HAUS8: variants seen among roughly 807,000 people sequenced by gnomAD.
The protein encoded by HAUS8 is HAUS augmin-like complex subunit 8.
HAUS8 carries 38 observed loss-of-function variants against 42.9 expected under a neutral mutation model. That is an observed-to-expected ratio of 0.89 (90% CI 0.68 to 1.16). The LOEUF (loss-of-function observed/expected upper bound fraction) is 1.16, where lower values mean the gene tolerates loss of function less well. HAUS8 is among the 50% of genes most tolerant of loss of function. The pLI is 0.00. For missense variants in HAUS8, 494 were observed against 511.6 expected (o/e 0.97, Z 0.33); for synonymous variants, 199 against 205.8 (o/e 0.97, Z 0.28).
At position 17,060,142 on chromosome 19, in the gene HAUS8, C is replaced by T. The variant is rs183755597; in HGVS notation, c.230-50G>A. The stretch of plus-strand genomic sequence containing the variant: ...GTCAGCACAGTCAAGAGACACTCTC[C>T]ATTCAAGCCAGGAAACGCAGGCCGT... On this transcript the variant is annotated intron_variant, in intron 4 of 10. Coordinates refer to ENST00000253669, the MANE Select transcript of HAUS8 (RefSeq NM_033417.2). 3.1e-6 allele frequency: 4 copies of T among 1,307,622 alleles called. No individual in the cohort carries two copies. The African/African-American group carries it at 4.4e-5, about 14-fold the overall frequency. The allele number at this position is 1,307,622 out of a possible 1,614,324, so 81.0% of individuals were successfully genotyped here.
chr19:17,050,069 C>A lies in HAUS8; in HGVS notation c.1037G>T (p.Trp346Leu), dbSNP rs749417271. The A allele has an allele frequency of 9.4e-6, 15 of 1,603,722 alleles. No individual in the cohort carries two copies. The African/African-American group carries it at 1.7e-4, about 19-fold the overall frequency. The change falls in exon 11 of 11, where the codon TGG becomes TTG. Residue 346 changes from tryptophan to leucine, a missense_variant. By Grantham distance (61) the Trp-to-Leu change is moderately conservative (BLOSUM62 -2). Transcript: ENST00000253669. ...GCAGGCACTGTCTTGATTGAAATAC[C>A]ACCGGCTGGGGGGCGCCATGCCCTG... is the stretch of plus-strand genomic sequence containing the variant. ...ETQGMAPPSR[W>L]YFNQDSACRE...
intron 3 of HAUS8, among the ~76,000 whole-genome samples, chr19:17,068,002 C>T (rs1415159539): frequency 6.6e-6 from 1 of 151,848 alleles, no homozygotes; most frequent in African/African-American, 2.4e-5. Context: ...GGTTTGCCTA[C>T]ACAATAGTTC....
chr19:17,072,941 C>A (rs1351656074), intron 2 of HAUS8, among the ~76,000 whole-genome samples: 1 of 143,508 alleles, frequency 7.0e-6, no homozygotes, highest in Non-Finnish European at 1.5e-5. Context: ...CATAGTGAGA[C>A]CCCAACTCAA....
At chr19:17,055,451 C>G (rs1391461849) in intron 9 of HAUS8, among the ~76,000 whole-genome samples, 1 of 150,176 alleles carries the variant, frequency 6.7e-6, no homozygotes, top group African/African-American at 2.5e-5. Context: ...CAGTTTTTCA[C>G]ACTTGCCAAA....
At chr19:17,050,244 G>A (rs528151589) in intron 10 of HAUS8, 68 bp from the exon 11 acceptor site, 35 of 1,247,048 alleles carry the variant, frequency 2.8e-5, no homozygotes, top group Middle Eastern at 2.8e-4. Flanking sequence ...TGTGGTGAAC[G>A]GAGGGCTGCC....
intron 3 of HAUS8, among the ~76,000 whole-genome samples, chr19:17,066,083 G>A (rs1413950770): frequency 6.6e-6 from 1 of 151,876 alleles, no homozygotes; most frequent in Non-Finnish European, 1.5e-5. Context: ...AGCCTCCCGA[G>A]TAGCTGGGAC....
chr19:17,075,206 C>G lies in HAUS8; in HGVS notation c.29+188G>C, dbSNP rs922877271. 7 of 636,702 alleles carry G rather than the reference C, an allele frequency of 1.1e-5. 1 individual carries two copies. In the South Asian group the frequency reaches 1.3e-4, roughly 12 times the overall value. The allele number at this position is 636,702 out of a possible 1,614,324, so 39.4% of individuals were successfully genotyped here. On this transcript the variant is annotated intron_variant, in intron 1 of 10. Transcript: ENST00000253669. ...CAGCCGAGGACGCGGAACTCAGGGC[C>G]GGTCGGGTGTCAGCGCTCCGGAGCA... is the stretch of plus-strand genomic sequence containing the variant.
intron 4 of HAUS8, 67 bp from the exon 5 acceptor site, chr19:17,060,159 G>A (rs375648491): frequency 4.2e-5 from 47 of 1,125,870 alleles, no homozygotes; most frequent in African/African-American, 3.0e-4. Flanking sequence ...GCCAGGAAAC[G>A]CAGGCCGTGT....
intron 3 of HAUS8, among the ~76,000 whole-genome samples, chr19:17,064,669 T>A (rs556231570): frequency 1.3e-5 from 2 of 152,132 alleles, no homozygotes; most frequent in Non-Finnish European, 2.9e-5. Context: ...CACCCATACA[T>A]GAAAAAACGA....
intron 8 of HAUS8, among the ~76,000 whole-genome samples, chr19:17,057,752 C>T (rs1474701388): frequency 1.3e-5 from 2 of 152,114 alleles, no homozygotes; most frequent in Non-Finnish European, 2.9e-5. Flanking sequence ...GATCCAACTC[C>T]CAGTACCTTG....
chr19:17,063,064 G>A (rs941837656), intron 3 of HAUS8, among the ~76,000 whole-genome samples: 5 of 152,162 alleles, frequency 3.3e-5, no homozygotes, highest in African/African-American at 1.2e-4. Context: ...TTAAGTATTT[G>A]CTAGTTTTCC....
At position 17,055,143 on chromosome 19, in the gene HAUS8, AATATATATATATATATATAT is replaced by A. The variant is rs746719670; in HGVS notation, c.787+698_787+717del. On this transcript the variant is annotated intron_variant, in intron 9 of 10. Coordinates refer to ENST00000253669, the MANE Select transcript of HAUS8 (RefSeq NM_033417.2). ...AAAAAAAAAAAAAAAAAAAAAAAAA[AATATATATATATATATATAT>A]ATATATATATATATATATATATATA... 6.6e-3 allele frequency: 102 copies of A among 15,474 alleles called. 1 individual carries two copies. The highest frequency in any genetic ancestry group is 9.5e-3 in the East Asian group (4 of 420). 1.0% of individuals were successfully genotyped at this position (15,474 alleles called of 1,614,324 possible).
At chr19:17,068,099 CTTTTTTTTTTTT>C (rs889723027) in intron 3 of HAUS8, among the ~76,000 whole-genome samples, 7 of 93,506 alleles carry the variant, frequency 7.5e-5, no homozygotes, top group South Asian at 7.2e-4. Context: ...TTATTTTATT[CTTTTTTTTTTTT>C]TTTTTTTTTT....
chr19:17,075,265 G>C (rs1272471663), intron 1 of HAUS8, 129 bp downstream of exon 1: 5 of 1,018,826 alleles, frequency 4.9e-6, no homozygotes, highest in Non-Finnish European at 7.7e-6. Context: ...GGGTCTTCAG[G>C]GGCCCGCGCA....
intron 7 of HAUS8, 45 bp from the exon 8 acceptor site, chr19:17,058,752 C>T (rs760336606): frequency 4.4e-6 from 7 of 1,606,050 alleles, no homozygotes; most frequent in Non-Finnish European, 1.7e-6. Context: ...GGACTCCCTC[C>T]CCGTGAATGG....
chr19:17,054,350 C>T (rs2057306751), intron 9 of HAUS8, among the ~76,000 whole-genome samples: 1 of 152,000 alleles, frequency 6.6e-6, no homozygotes, highest in Admixed American at 6.6e-5. Flanking sequence ...GAGGTGACCG[C>T]AGTCATAAAA....
chr19:17,063,700 C>T (rs539121508), intron 3 of HAUS8, among the ~76,000 whole-genome samples: 2 of 152,242 alleles, frequency 1.3e-5, no homozygotes, highest in East Asian at 1.9e-4. Context: ...ACCATCCAAT[C>T]CCTTGAGGGC....
Position 17,060,000 on chromosome 19 carries a change from T to C in HAUS8, c.322A>G (p.Asn108Asp). 6 of 1,607,646 alleles carry C rather than the reference T, an allele frequency of 3.7e-6. No homozygotes were observed. Among genetic ancestry groups the C allele is most frequent in the Non-Finnish European group, 5.1e-6 (6 of 1,174,286 alleles). Residue 108 changes from asparagine to aspartate, a missense_variant, in exon 5 of 11, where the codon AAT becomes GAT. Coordinates refer to ENST00000253669, the MANE Select transcript of HAUS8 (RefSeq NM_033417.2). ...AGGGGTGAAACAAATGATTTACCAT[T>C]AATAGCAGAGAGATCCAGGTCAGGT... is the stretch of plus-strand genomic sequence containing the variant. ...APPDLDLSAI[N>D]DKSIVKKTPQ... is the part of the protein sequence containing the mutation.
At position 17,068,192 on chromosome 19, in the gene HAUS8, C is replaced by T. The variant is rs548084493; in HGVS notation, c.147+839G>A. Among the ~76,000 whole-genome samples the T allele has an allele frequency of 8.2e-5, 12 of 146,646 alleles. No homozygotes were observed. In the South Asian group the frequency reaches 2.5e-3, roughly 31 times the overall value. On this transcript the variant is annotated intron_variant, in intron 3 of 10. Transcript: ENST00000253669. ...GCAGTGGTTCAATCTTGGCTCACTG[C>T]AACCTCTGCCTCCCAGGTTCAAGCG...
Sources: allele counts gnomAD v4.1 joint callset (sites outside exome capture counted in the v4.1 genomes callset), GRCh38; gene constraint gnomAD v4.1.1; transcripts MANE v1.5; gene names NCBI Gene and HGNC (gene_info 2026-07-23, HGNC 2026-07-21).